The following NETO1 variants were observed in gnomAD, a reference collection of about 807,000 sequenced individuals.
NETO1 encodes neuropilin and tolloid-like protein 1.
NETO1 carries 26 observed loss-of-function variants against 61.3 expected under a neutral mutation model. The observed-to-expected ratio is 0.42, with a 90% CI of 0.31 to 0.59. The LOEUF (loss-of-function observed/expected upper bound fraction) is 0.59. Ranked by LOEUF, NETO1 falls within the 20% of genes least tolerant of loss-of-function variation. The pLI is 0.12. For missense variants in NETO1, 531 were observed against 662.8 expected, an observed-to-expected ratio of 0.80 and a Z score of 2.18; for synonymous variants, 225 against 225.8, an observed-to-expected ratio of 1.00 and a Z score of 0.03.
intron 4 of NETO1, among the ~76,000 whole-genome samples, chr18:72,805,534 G>A (rs2145163651): frequency 6.6e-6 from 1 of 152,176 alleles, no homozygotes; most frequent in African/African-American, 2.4e-5. Context: ...CCTTAACACT[G>A]TATGATGTAG....
intron 7 of NETO1, among the ~76,000 whole-genome samples, chr18:72,779,420 C>A (rs1288619419): frequency 6.6e-6 from 1 of 151,978 alleles, no homozygotes; most frequent in Non-Finnish European, 1.5e-5. Flanking sequence ...TCAGCCACAA[C>A]AAAAATGTAA....
chr18:72,758,228 G>C (rs2070848945), intron 7 of NETO1, among the ~76,000 whole-genome samples: 1 of 152,052 alleles, frequency 6.6e-6, no homozygotes, highest in African/African-American at 2.4e-5. Flanking sequence ...TCCAGGATCA[G>C]TTACTACATA....
chr18:72,757,852 A>G (rs9947173), intron 7 of NETO1, among the ~76,000 whole-genome samples: 110,052 of 151,954 alleles, frequency 0.72, 40,076 homozygotes, highest in African/African-American at 0.78. Flanking sequence ...TGTATGCAGC[A>G]TATAAAGGAG....
chr18:72,844,541 T>A lies in NETO1; in HGVS notation c.469+14285A>T, dbSNP rs998469436. Among the ~76,000 whole-genome samples the A allele has an allele frequency of 5.3e-4, 80 of 152,208 alleles. 1 individual carries two copies. The highest frequency in any genetic ancestry group is 1.8e-3 in the African/African-American group (74 of 41,454). ...TCAGTCTTACCTAACCTCCTCTCCTTTCAAAGTTACACACCTACTTTTCAA... is the reference window on the plus strand; with the variant it reads ...TCAGTCTTACCTAACCTCCTCTCCTATCAAAGTTACACACCTACTTTTCAA... On this transcript the variant is annotated intron_variant, in intron 4 of 10. Transcript: ENST00000327305.
chr18:72,844,941 A>G (rs904857815), intron 4 of NETO1, among the ~76,000 whole-genome samples: 1 of 152,186 alleles, frequency 6.6e-6, no homozygotes, highest in Non-Finnish European at 1.5e-5. Context: ...ACTGAAGCGC[A>G]GGTCTTAACG....
At chr18:72,859,180 A>G (rs1022544957) in intron 3 of NETO1, 106 bp from the exon 4 acceptor site, 1 of 1,053,184 alleles carries the variant, frequency 9.5e-7, no homozygotes, top group Admixed American at 2.7e-5. Flanking sequence ...CTCAAACTTT[A>G]TGGATGATAT....
At chr18:72,852,834 T>C (rs1211722994) in intron 4 of NETO1, among the ~76,000 whole-genome samples, 1 of 20,780 alleles carries the variant, frequency 4.8e-5, no homozygotes, top group Non-Finnish European at 2.1e-4. Flanking sequence ...TTTCTTTTTC[T>C]TTTTTTTTTT....
intron 4 of NETO1, among the ~76,000 whole-genome samples, chr18:72,797,928 T>C (rs2072373043): frequency 6.6e-6 from 1 of 152,218 alleles, no homozygotes; most frequent in African/African-American, 2.4e-5. Flanking sequence ...TTGGTTCAAA[T>C]ATTATATTCT....
intron 1 of NETO1, chr18:72,867,002 T>C (rs1000863107): frequency 1.3e-5 from 6 of 449,948 alleles, no homozygotes; most frequent in South Asian, 5.3e-5. Flanking sequence ...CTGCACGCTA[T>C]CCTCCACCCC....
chr18:72,758,746 G>A (rs1008081988), intron 7 of NETO1, among the ~76,000 whole-genome samples: 20 of 152,062 alleles, frequency 1.3e-4, no homozygotes, highest in African/African-American at 4.6e-4. Context: ...TCAGGCAGGA[G>A]AATCACCTGA....
At chr18:72,789,493 C>T (rs2072042521) in intron 6 of NETO1, among the ~76,000 whole-genome samples, 1 of 152,120 alleles carries the variant, frequency 6.6e-6, no homozygotes, top group African/African-American at 2.4e-5. Flanking sequence ...CTTCAGAACC[C>T]TTGATGCTTA....
At chr18:72,810,324 A>C (rs1341776854) in intron 4 of NETO1, among the ~76,000 whole-genome samples, 1 of 152,198 alleles carries the variant, frequency 6.6e-6, no homozygotes, top group Non-Finnish European at 1.5e-5. Flanking sequence ...GGAAGTAATC[A>C]TGTCAGCTGG....
chr18:72,862,694 C>T lies in NETO1; in HGVS notation c.220+2114G>A, dbSNP rs563173836. Among the ~76,000 whole-genome samples the T allele has an allele frequency of 1.0e-4, 15 of 148,530 alleles. No individual in the cohort carries two copies. In the South Asian group the frequency reaches 3.2e-3, roughly 31 times the overall value. On this transcript the variant is annotated intron_variant, in intron 3 of 10. Coordinates refer to ENST00000327305, the MANE Select transcript of NETO1 (RefSeq NM_138966.5). The stretch of plus-strand genomic sequence containing the variant: ...GGAGCGCAGTGGTGCGATCTCGGCT[C>T]ACTGCAAGCTCCGCCTCCCGGGTTC...
intron 4 of NETO1, among the ~76,000 whole-genome samples, chr18:72,821,573 A>AG (rs2073202115): frequency 6.6e-6 from 1 of 151,228 alleles, no homozygotes; most frequent in East Asian, 1.9e-4. Flanking sequence ...AAAAAAAAAA[A>AG]AAAAGGAATC....
intron 7 of NETO1, among the ~76,000 whole-genome samples, chr18:72,760,278 C>A (rs149336154): frequency 0.019 from 2,938 of 152,322 alleles, 82 homozygotes; most frequent in African/African-American, 0.066. Context: ...GACACTACAA[C>A]ACTTCAAAAT....
chr18:72,821,837 ATG>A (rs2073210243), intron 4 of NETO1, among the ~76,000 whole-genome samples: 1 of 152,204 alleles, frequency 6.6e-6, no homozygotes, highest in South Asian at 2.1e-4. Context: ...ACCTATTAAA[ATG>A]TCTTTCTAAA....
At chr18:72,756,508 T>C (rs2070788003) in intron 7 of NETO1, among the ~76,000 whole-genome samples, 1 of 152,170 alleles carries the variant, frequency 6.6e-6, no homozygotes, top group Non-Finnish European at 1.5e-5. Flanking sequence ...AATTTAGTTT[T>C]ACTGTGCAAA....
At chr18:72,785,087 A>G (rs1236631739) in intron 6 of NETO1, among the ~76,000 whole-genome samples, 1 of 152,214 alleles carries the variant, frequency 6.6e-6, no homozygotes, top group East Asian at 1.9e-4. Context: ...TTTTATTTTA[A>G]TATGAATGCC....
intron 4 of NETO1, among the ~76,000 whole-genome samples, chr18:72,821,068 T>C (rs1313394889): frequency 6.6e-6 from 1 of 151,994 alleles, no homozygotes; most frequent in Admixed American, 6.6e-5. Context: ...GATCTACTCC[T>C]GCGTATCTCT....
Sources: gnomAD v4.1 joint callset for allele counts (sites outside exome capture counted in the v4.1 genomes callset) on GRCh38, gnomAD v4.1.1 for gene constraint, MANE v1.5 for transcripts, NCBI Gene and HGNC (gene_info 2026-07-23, HGNC 2026-07-21) for gene names.